Variants in KCNMA1 observed in about 807,000 individuals in gnomAD.
KCNMA1 encodes the protein potassium calcium-activated channel subfamily M alpha 1.
KCNMA1 carries 29 observed loss-of-function variants against 140.0 expected under a neutral mutation model. The ratio of observed to expected loss-of-function variants is 0.21; its 90% CI spans 0.15 to 0.28. KCNMA1 has a LOEUF of 0.28. Among genes scored for constraint, KCNMA1 ranks in the 10% least tolerant of loss-of-function variants. The pLI is 1.00. For synonymous variants in KCNMA1, 612 were observed against 611.9 expected, an observed-to-expected ratio of 1.00 and a Z score of 0.00; for missense variants, 880 against 1,602.2, an observed-to-expected ratio of 0.55 and a Z score of 7.70.
intron 2 of KCNMA1, among the ~76,000 whole-genome samples, chr10:77,252,606 A>C (rs1375507853): frequency 6.6e-6 from 1 of 150,616 alleles, no homozygotes; most frequent in Non-Finnish European, 1.5e-5. Flanking sequence ...TCTCTCTTTT[A>C]CACCCACCCA....
At chr10:77,340,502 A>G (rs950340310) in intron 2 of KCNMA1, among the ~76,000 whole-genome samples, 6 of 152,210 alleles carry the variant, frequency 3.9e-5, no homozygotes, top group African/African-American at 1.4e-4. Context: ...GAAAATGTGC[A>G]CATATACACC....
Position 77,563,892 on chromosome 10 carries a change from C to T in KCNMA1, c.378+73373G>A, listed in dbSNP as rs557239011. Among the ~76,000 whole-genome samples, 8 of 152,324 alleles carry T rather than the reference C, an allele frequency of 5.3e-5. No homozygotes were observed. In the South Asian group the frequency reaches 1.7e-3, roughly 32 times the overall value. The stretch of plus-strand genomic sequence containing the variant: ...CACTTATGAACTGTGTGCCCATAAG[C>T]AAGTCGTCTCTTGCTCTGCAGACTG... On this transcript the variant is annotated intron_variant, in intron 1 of 27. Coordinates refer to ENST00000286628, the MANE Select transcript of KCNMA1 (RefSeq NM_001161352.2).
At chr10:77,030,609 T>C (rs2093863530) in intron 15 of KCNMA1, among the ~76,000 whole-genome samples, 2 of 152,174 alleles carry the variant, frequency 1.3e-5, no homozygotes, top group Non-Finnish European at 2.9e-5. Context: ...CTAATCCCGC[T>C]GGTAAGAAGG....
chr10:77,170,121 G>A (rs1433299567), intron 5 of KCNMA1, among the ~76,000 whole-genome samples: 1 of 152,122 alleles, frequency 6.6e-6, no homozygotes, highest in African/African-American at 2.4e-5. Context: ...AACCCAGGAG[G>A]CGGAGGTTGC....
chr10:77,416,677 G>C (rs1475641352), intron 1 of KCNMA1, among the ~76,000 whole-genome samples: 2 of 152,130 alleles, frequency 1.3e-5, no homozygotes, highest in African/African-American at 2.4e-5. Flanking sequence ...GCTGTTCTTT[G>C]CTTCCCACCA....
At chr10:77,410,972 T>G (rs2096606051) in intron 1 of KCNMA1, among the ~76,000 whole-genome samples, 1 of 152,242 alleles carries the variant, frequency 6.6e-6, no homozygotes, top group African/African-American at 2.4e-5. Context: ...GCAAGCTGCA[T>G]GAGGGAAAGA....
chr10:77,089,265 G>A (rs1479080679), intron 10 of KCNMA1, among the ~76,000 whole-genome samples: 1 of 152,184 alleles, frequency 6.6e-6, no homozygotes, highest in Non-Finnish European at 1.5e-5. Flanking sequence ...GAGTTTGTAG[G>A]GAAGCCGACC....
chr10:77,438,187 T>C (rs2154504490), intron 1 of KCNMA1, among the ~76,000 whole-genome samples: 1 of 152,230 alleles, frequency 6.6e-6, no homozygotes, highest in African/African-American at 2.4e-5. Flanking sequence ...GCCTCCCAAG[T>C]TGCTAGGACT....
intron 1 of KCNMA1, among the ~76,000 whole-genome samples, chr10:77,612,975 T>G (rs553500268): frequency 6.6e-6 from 1 of 152,298 alleles, no homozygotes; most frequent in South Asian, 2.1e-4. Context: ...CTGTTTATTT[T>G]GGGAATAAAT....
At chr10:77,017,674 A>T (rs2153475687) in intron 17 of KCNMA1, among the ~76,000 whole-genome samples, 1 of 152,316 alleles carries the variant, frequency 6.6e-6, no homozygotes, top group South Asian at 2.1e-4. Flanking sequence ...GAGGACCCTA[A>T]GTATCCACGG....
At chr10:76,912,264 C>A (rs1448955426) in intron 24 of KCNMA1, 4 of 152,180 alleles carry the variant, frequency 2.6e-5, no homozygotes, top group Admixed American at 2.6e-4. Context: ...GTAACACAGT[C>A]CTTTCTTGTG....
At chr10:77,633,910 G>A (rs1353996272) in intron 1 of KCNMA1, among the ~76,000 whole-genome samples, 2 of 152,212 alleles carry the variant, frequency 1.3e-5, no homozygotes, top group South Asian at 2.1e-4. Flanking sequence ...ATAAAGATAT[G>A]TAACTGTCCC....
intron 20 of KCNMA1, among the ~76,000 whole-genome samples, chr10:76,962,404 A>T (rs1255859039): frequency 6.6e-6 from 1 of 152,186 alleles, no homozygotes. Flanking sequence ...CATCCAAATT[A>T]AGGGCATCCT....
chr10:77,372,461 TTGGAAA>T (rs2154415953), intron 2 of KCNMA1, among the ~76,000 whole-genome samples: 1 of 152,344 alleles, frequency 6.6e-6, no homozygotes, highest in African/African-American at 2.4e-5. Context: ...TCTACGGGTC[TTGGAAA>T]TCCCAGTTCA....
chr10:77,299,826 A>C (rs2076133417), intron 2 of KCNMA1, among the ~76,000 whole-genome samples: 1 of 152,196 alleles, frequency 6.6e-6, no homozygotes, highest in South Asian at 2.1e-4. Context: ...CTAAAGGCAT[A>C]GCATCAAGGT....
At chr10:77,101,437 ATCTG>A (rs2097095430) in intron 9 of KCNMA1, among the ~76,000 whole-genome samples, 1 of 152,212 alleles carries the variant, frequency 6.6e-6, no homozygotes, top group Non-Finnish European at 1.5e-5. Flanking sequence ...TATTTACTGT[ATCTG>A]TCTGTCTACA....
intron 1 of KCNMA1, among the ~76,000 whole-genome samples, chr10:77,408,711 G>A (rs1182473975): frequency 1.3e-5 from 2 of 152,140 alleles, no homozygotes; most frequent in Non-Finnish European, 2.9e-5. Flanking sequence ...AAAATGAGAG[G>A]TGAGGCCATC....
chr10:77,171,240 T>C (rs1210914076), intron 5 of KCNMA1, among the ~76,000 whole-genome samples: 2 of 152,166 alleles, frequency 1.3e-5, no homozygotes, highest in Non-Finnish European at 2.9e-5. Flanking sequence ...AAATCTGTAA[T>C]TTAACCAGAC....
At chr10:77,412,430 C>T (rs2096640288) in intron 1 of KCNMA1, among the ~76,000 whole-genome samples, 1 of 152,216 alleles carries the variant, frequency 6.6e-6, no homozygotes, top group African/African-American at 2.4e-5. Flanking sequence ...CCACATGCTG[C>T]TGTCCTCAAC....
Sources: allele counts gnomAD v4.1 joint callset (sites outside exome capture counted in the v4.1 genomes callset), GRCh38; gene constraint gnomAD v4.1.1; transcripts MANE v1.5; gene names NCBI Gene and HGNC (gene_info 2026-07-23, HGNC 2026-07-21).